HEPH: variants seen among roughly 807,000 people sequenced by gnomAD.
The protein encoded by HEPH is hephaestin.
A neutral mutation model predicts 80.8 loss-of-function variants in HEPH; 69 were observed. That is an observed-to-expected ratio of 0.85 (90% CI 0.70 to 1.04). The LOEUF is 1.04. Ranked by LOEUF, HEPH falls within the 50% of genes least tolerant of loss-of-function variation. HEPH has a pLI of 0.00. For synonymous variants in HEPH, 431 were observed against 322.8 expected, an observed-to-expected ratio of 1.34 and a Z score of -3.60; for missense variants, 1,115 against 891.3, an observed-to-expected ratio of 1.25 and a Z score of -3.20.
chrX:66,235,514 AG>A (rs910363115), intron 15 of HEPH, among the ~76,000 whole-genome samples: 3 of 111,296 alleles, frequency 2.7e-5, no homozygotes, highest in Non-Finnish European at 3.8e-5. Flanking sequence ...AGATAGTTGT[AG>A]GTATGTGGCC....
intron 8 of HEPH, among the ~76,000 whole-genome samples, chrX:66,194,547 A>G (rs1205888810): frequency 8.9e-6 from 1 of 112,257 alleles, no homozygotes; most frequent in Non-Finnish European, 1.9e-5. Context: ...AATGAAGTTC[A>G]GAAGAGTCCA....
chrX:66,207,137 C>G, intron 13 of HEPH, 58 bp from the exon 14 acceptor site: 2 of 1,087,007 alleles, frequency 1.8e-6, no homozygotes, highest in Non-Finnish European at 2.5e-6. Context: ...CATAAATACT[C>G]AAATGAAAAT....
At chrX:66,266,327 A>C in intron 20 of HEPH, 113 bp from the exon 21 acceptor site, 1 of 512,496 alleles carries the variant, frequency 2.0e-6, no homozygotes, top group Non-Finnish European at 3.3e-6. Flanking sequence ...GGATAAGGAC[A>C]GGCCTCCTGT....
At chrX:66,238,187 T>G (rs1248934915) in intron 15 of HEPH, among the ~76,000 whole-genome samples, 1 of 111,371 alleles carries the variant, frequency 9.0e-6, no homozygotes, top group Non-Finnish European at 1.9e-5. Context: ...TGCAGACTCG[T>G]TAGTGTGGTT....
intron 15 of HEPH, among the ~76,000 whole-genome samples, chrX:66,217,058 A>G (rs910555561): frequency 1.8e-5 from 2 of 110,903 alleles, no homozygotes; most frequent in East Asian, 5.7e-4. Context: ...CCTAAGAATA[A>G]TTGGTGTTCG....
intron 6 of HEPH, 121 bp from the exon 7 acceptor site, chrX:66,192,009 C>A: frequency 1.5e-6 from 1 of 646,665 alleles, no homozygotes; most frequent in Non-Finnish European, 2.3e-6. Flanking sequence ...CATTTTGGAG[C>A]AGGAGTAAAG....
intron 4 of HEPH, among the ~76,000 whole-genome samples, chrX:66,180,237 A>G (rs765034534): frequency 3.7e-5 from 4 of 109,214 alleles, no homozygotes; most frequent in Non-Finnish European, 7.6e-5. Context: ...TTCCATTTTT[A>G]TGTATTTCCT....
chrX:66,229,299 C>G (rs1602430298), intron 15 of HEPH, among the ~76,000 whole-genome samples: 1 of 112,148 alleles, frequency 8.9e-6, no homozygotes, highest in East Asian at 2.8e-4. Flanking sequence ...GTAGCATTTG[C>G]AGCAACCTGG....
At chrX:66,180,868 C>A in intron 4 of HEPH, among the ~76,000 whole-genome samples, 1 of 72,694 alleles carries the variant, frequency 1.4e-5, no homozygotes, top group Middle Eastern at 6.7e-3. Context: ...CCACCACAGT[C>A]CCCAGAGTGT....
intron 1 of HEPH, among the ~76,000 whole-genome samples, chrX:66,169,645 T>C (rs1253708102): frequency 8.9e-6 from 1 of 112,497 alleles, no homozygotes; most frequent in Non-Finnish European, 1.9e-5. Context: ...TCATTTATTT[T>C]TGGTTCATTG....
In HEPH at chrX:66,198,966, T is replaced by C. The variant is rs1390670612; in HGVS notation, c.1802T>C (p.Met601Thr). 2.5e-6 allele frequency: 3 copies of C among 1,209,312 alleles called. No homozygotes were observed. The highest frequency in any genetic ancestry group is 3.4e-6 in the Non-Finnish European group (3 of 893,077). The stretch of plus-strand genomic sequence containing the variant: ...AGCAATGCCAATCAAGCAGCTGCTA[T>C]GTTGGATTTCCGACTGCTTTCAGAG... ...WYSNANQAAAMLDFRLLSEDI... is the reference protein window; with the variant it reads ...WYSNANQAAATLDFRLLSEDI... The change falls in exon 11 of 21, where the codon ATG becomes ACG. Residue 601 changes from methionine (M) to threonine (T), a missense_variant. This residue lies in a region of HEPH where 716 missense variants were observed against 523.5 expected (regional missense o/e 1.37). Transcript: ENST00000343002.
chrX:66,254,911 G>A (rs2091123253), intron 15 of HEPH, 124 bp from the exon 16 acceptor site: 1 of 391,215 alleles, frequency 2.6e-6, no homozygotes, highest in African/African-American at 2.5e-5. Context: ...TAAAATGATG[G>A]AGGAATGATG....
intron 15 of HEPH, among the ~76,000 whole-genome samples, chrX:66,242,658 A>G (rs750390814): frequency 1.8e-5 from 2 of 112,265 alleles, no homozygotes; most frequent in African/African-American, 6.5e-5. Flanking sequence ...AACTTAAACA[A>G]ATCAACAAGC....
chrX:66,257,355 C>T (rs954082048), intron 17 of HEPH, among the ~76,000 whole-genome samples: 1 of 111,728 alleles, frequency 9.0e-6, no homozygotes, highest in African/African-American at 3.2e-5. Flanking sequence ...ATCGATCGAG[C>T]AGGTATTTGT....
chrX:66,223,309 G>A (rs2089731981), intron 15 of HEPH, among the ~76,000 whole-genome samples: 1 of 111,362 alleles, frequency 9.0e-6, no homozygotes, highest in East Asian at 2.8e-4. Flanking sequence ...GTAGTCTTTG[G>A]TGCCTTCTTA....
At chrX:66,195,967 A>T (rs2088069105) in intron 9 of HEPH, among the ~76,000 whole-genome samples, 1 of 112,033 alleles carries the variant, frequency 8.9e-6, no homozygotes, top group Admixed American at 9.5e-5. Context: ...AGTTGCAGAC[A>T]AATCTAGAAT....
intron 15 of HEPH, among the ~76,000 whole-genome samples, chrX:66,232,493 A>T (rs1457138507): frequency 8.9e-6 from 1 of 111,762 alleles, no homozygotes; most frequent in Non-Finnish European, 1.9e-5. Context: ...CAGAATGCTG[A>T]CATAAGCAAT....
intron 4 of HEPH, among the ~76,000 whole-genome samples, chrX:66,178,846 C>A (rs1439721451): frequency 9.0e-6 from 1 of 111,549 alleles, no homozygotes; most frequent in African/African-American, 3.3e-5. Flanking sequence ...TGGATATTAT[C>A]CCTTTGTCAG....
chrX:66,214,100 G>A (rs1003559556), intron 15 of HEPH, among the ~76,000 whole-genome samples: 3 of 111,912 alleles, frequency 2.7e-5, no homozygotes, highest in Non-Finnish European at 5.6e-5. Flanking sequence ...CAGGGTCTGT[G>A]CTGTAGATCT....
Sources: gnomAD v4.1 joint callset for allele counts (sites outside exome capture counted in the v4.1 genomes callset) on GRCh38, gnomAD v4.1.1 for gene constraint, gnomAD v4.1.1 regional missense constraint, MANE v1.5 for transcripts, NCBI Gene and HGNC (gene_info 2026-07-23, HGNC 2026-07-21) for gene names.